NWD2: variants seen among roughly 807,000 people sequenced by gnomAD.
The protein encoded by NWD2 is NACHT and WD repeat domain-containing protein 2.
A neutral mutation model predicts 132.7 loss-of-function variants in NWD2; 37 were observed. The observed-to-expected ratio is 0.28, with a 90% confidence interval of 0.21 to 0.37. The LOEUF is 0.37. Ranked by LOEUF, NWD2 falls within the 10% of genes least tolerant of loss-of-function variation. The probability of loss-of-function intolerance (pLI) is 1.00; values close to 1 mark genes in which losing one functional copy is unlikely to be tolerated. For missense variants in NWD2, 1,592 were observed against 2,122.4 expected (o/e 0.75, Z 4.91); for synonymous variants, 705 against 803.0 (o/e 0.88, Z 2.06).
chr4:37,315,056 TA>T (rs972405684), intron 1 of NWD2, among the ~76,000 whole-genome samples: 3 of 152,290 alleles, frequency 2.0e-5, no homozygotes, highest in African/African-American at 7.2e-5. Context: ...ATTAGTGTAT[TA>T]GAAGTATCTT....
In NWD2 at chr4:37,356,415, A is replaced by G. The variant is rs1719872568; in HGVS notation, c.290A>G (p.Glu97Gly). ...GAAGAAGATGAGTGGGACAGCCCAG[A>G]GCTCCAGAAGACCCGCATGAAGCTG... ...GVEEDEWDSP[E>G]LQKTRMKLLE... Residue 97 changes from glutamate to glycine, a missense_variant, in exon 3 of 7, where the codon GAG becomes GGG. By Grantham distance (98) the Glu-to-Gly change is moderately conservative. Transcript: ENST00000309447. 2 of 1,551,446 alleles carry G rather than the reference A, an allele frequency of 1.3e-6. No individual in the cohort carries two copies. The highest frequency in any genetic ancestry group is 1.7e-6 in the Non-Finnish European group (2 of 1,146,878).
At chr4:37,253,099 G>C (rs1263873444) in intron 1 of NWD2, among the ~76,000 whole-genome samples, 4 of 151,652 alleles carry the variant, frequency 2.6e-5, no homozygotes, top group Non-Finnish European at 4.4e-5. Flanking sequence ...CTGCAAGTAT[G>C]ATAGTAAGTC....
intron 3 of NWD2, among the ~76,000 whole-genome samples, chr4:37,381,110 C>T (rs1027198921): frequency 3.3e-5 from 5 of 152,128 alleles, no homozygotes; most frequent in Non-Finnish European, 5.9e-5. Flanking sequence ...CGTCAAGCCT[C>T]CCCCCAAGCC....
intron 3 of NWD2, among the ~76,000 whole-genome samples, chr4:37,380,087 A>C: frequency 6.6e-6 from 1 of 152,260 alleles, no homozygotes; most frequent in East Asian, 1.9e-4. Context: ...TCAAGCACTA[A>C]GCATTTTCTC....
chr4:37,355,899 G>A (rs1719862153), intron 2 of NWD2, among the ~76,000 whole-genome samples: 1 of 151,932 alleles, frequency 6.6e-6, no homozygotes, highest in Non-Finnish European at 1.5e-5. Flanking sequence ...GATAATGACA[G>A]GGCTTTTTTT....
intron 1 of NWD2, among the ~76,000 whole-genome samples, chr4:37,320,992 A>C (rs1719056897): frequency 6.6e-6 from 1 of 152,114 alleles, no homozygotes; most frequent in African/African-American, 2.4e-5. Flanking sequence ...CCCCGTCTGT[A>C]CTAATAATAT....
At chr4:37,396,922 A>T (rs1410416607) in intron 3 of NWD2, among the ~76,000 whole-genome samples, 1 of 151,922 alleles carries the variant, frequency 6.6e-6, no homozygotes, top group African/African-American at 2.4e-5. Flanking sequence ...AATCCCAGCT[A>T]CTCGGGAGGC....
chr4:37,291,866 T>G (rs1489941233), intron 1 of NWD2, among the ~76,000 whole-genome samples: 6 of 152,174 alleles, frequency 3.9e-5, no homozygotes, highest in African/African-American at 1.4e-4. Flanking sequence ...TAAGGCACCA[T>G]GCATTATATA....
chr4:37,300,407 G>A (rs745481963), intron 1 of NWD2, among the ~76,000 whole-genome samples: 9 of 152,058 alleles, frequency 5.9e-5, no homozygotes, highest in African/African-American at 2.2e-4. Flanking sequence ...TATATTATTC[G>A]AATTAGTAGA....
At chr4:37,417,427 G>T (rs1452618978) in intron 3 of NWD2, among the ~76,000 whole-genome samples, 5 of 151,732 alleles carry the variant, frequency 3.3e-5, no homozygotes, top group African/African-American at 1.2e-4. Context: ...ACATATAGAG[G>T]TATATTTATA....
At chr4:37,257,251 T>C (rs1401484308) in intron 1 of NWD2, among the ~76,000 whole-genome samples, 1 of 152,210 alleles carries the variant, frequency 6.6e-6, no homozygotes, top group Non-Finnish European at 1.5e-5. Context: ...AAGGTGCAGG[T>C]GCAAGGGTTA....
intron 3 of NWD2, among the ~76,000 whole-genome samples, chr4:37,398,785 T>C (rs1341446646): frequency 6.6e-6 from 1 of 152,210 alleles, no homozygotes; most frequent in African/African-American, 2.4e-5. Context: ...CAGAAACTTA[T>C]ATTAAAAGAA....
Position 37,430,702 on chromosome 4 carries a change from G to T in NWD2, c.488G>T (p.Arg163Leu). 1 of 1,551,596 alleles carries T rather than the reference G, an allele frequency of 6.4e-7. No homozygotes were observed. The highest frequency in any genetic ancestry group is 8.7e-7 in the Non-Finnish European group (1 of 1,146,840). Residue 163 changes from arginine (R) to leucine (L), a missense_variant, in exon 4 of 7, where the codon CGA becomes CTA. This residue lies in a region of NWD2 where 144 missense variants were observed against 185.7 expected (regional missense o/e 0.78). Coordinates refer to ENST00000309447, the MANE Select transcript of NWD2 (RefSeq NM_001144990.2). ...AAGTTGCTGGAGGAGTGGTACTGTC[G>T]AGATGAGAACTCGGTGCCAGCAGCC... is the stretch of plus-strand genomic sequence containing the variant. ...ETKLLEEWYCRDENSVPAAYY... is the reference protein window; with the variant it reads ...ETKLLEEWYCLDENSVPAAYY...
At chr4:37,440,116 A>G (rs980424683) in intron 6 of NWD2, among the ~76,000 whole-genome samples, 5 of 151,938 alleles carry the variant, frequency 3.3e-5, no homozygotes, top group African/African-American at 1.2e-4. Context: ...CCTCTGCCCT[A>G]TCTTCCCTGA....
chr4:37,445,643 C>G lies in NWD2; in HGVS notation c.3655C>G (p.Leu1219Val), dbSNP rs1712613477. The part of the protein sequence containing the change: ...ALSIELLDTG[L>V]WKVAEKFRAK... ...CAGCATTGAGCTCTTAGATACTGGTCTGTGGAAGGTGGCTGAAAAGTTCAG... is the reference window on the plus strand; with the variant it reads ...CAGCATTGAGCTCTTAGATACTGGTGTGTGGAAGGTGGCTGAAAAGTTCAG... The change falls in exon 7 of 7, where the codon CTG becomes GTG. Residue 1219 changes from leucine to valine, a missense_variant. Leu to Val is a conservative substitution (Grantham distance 32). Coordinates refer to ENST00000309447, the MANE Select transcript of NWD2 (RefSeq NM_001144990.2). The surrounding 1 kb of genome is among the most constrained non-coding windows in gnomAD (Gnocchi z 4.7). The G allele has an allele frequency of 6.4e-7, 1 of 1,552,108 alleles. No homozygotes were observed. Among genetic ancestry groups the G allele is most frequent in the Admixed American group, 2.0e-5 (1 of 50,978 alleles).
chr4:37,266,397 G>A (rs1315246934), intron 1 of NWD2, among the ~76,000 whole-genome samples: 7 of 152,188 alleles, frequency 4.6e-5, no homozygotes, highest in African/African-American at 1.7e-4. Context: ...TGTCAGATCA[G>A]CTCTTCTAAC....
At chr4:37,360,240 A>G (rs1719952367) in intron 3 of NWD2, among the ~76,000 whole-genome samples, 1 of 152,218 alleles carries the variant, frequency 6.6e-6, no homozygotes, top group Non-Finnish European at 1.5e-5. Context: ...AAGGCTAACA[A>G]CCAGTAATTT....
At chr4:37,331,648 G>A (rs777732795) in intron 2 of NWD2, among the ~76,000 whole-genome samples, 3 of 152,212 alleles carry the variant, frequency 2.0e-5, no homozygotes, top group Non-Finnish European at 4.4e-5. Context: ...CCAAATAGAA[G>A]CTTCCACTGA....
At position 37,274,499 on chromosome 4, in the gene NWD2, G is replaced by A. The variant is rs552377161; in HGVS notation, c.151+29281G>A. Among the ~76,000 whole-genome samples, 8 of 152,132 alleles carry A rather than the reference G, an allele frequency of 5.3e-5. No homozygotes were observed. In the South Asian group the frequency reaches 1.0e-3, roughly 20 times the overall value. ...AGATTGACAGCCGAATTCTACCAGC[G>A]GTACAAGAAGGAGCTGGTACCATTC... On this transcript the variant is annotated intron_variant, in intron 1 of 6. Transcript: ENST00000309447.
Sources: allele counts gnomAD v4.1 joint callset (sites outside exome capture counted in the v4.1 genomes callset), GRCh38; gene constraint gnomAD v4.1.1; regional missense constraint gnomAD v4.1.1; non-coding constraint Gnocchi (gnomAD v3.1); transcripts MANE v1.5; gene names NCBI Gene and HGNC (gene_info 2026-07-23, HGNC 2026-07-21).